Variants in TRIO observed in about 807,000 individuals in gnomAD.
TRIO encodes trio Rho guanine nucleotide exchange factor.
TRIO carries 58 observed loss-of-function variants against 351.9 expected under a neutral mutation model. That is an observed-to-expected ratio of 0.16 (90% CI 0.13 to 0.21). The LOEUF is 0.21. Ranked by LOEUF, TRIO falls within the 10% of genes least tolerant of loss-of-function variation. The probability of loss-of-function intolerance (pLI) is 1.00; values close to 1 mark genes in which losing one functional copy is unlikely to be tolerated. For missense variants in TRIO, 3,201 were observed against 4,027.8 expected (o/e 0.79, Z 5.56); for synonymous variants, 1,758 against 1,595.7 (o/e 1.10, Z -2.42).
At chr5:14,283,073 A>G (rs1736141424) in intron 3 of TRIO, among the ~76,000 whole-genome samples, 1 of 151,018 alleles carries the variant, frequency 6.6e-6, no homozygotes, top group African/African-American at 2.5e-5. Context: ...GGTTTTAACC[A>G]AACAAATTAT....
rs147908435 is a variant in TRIO, at chr5:14,388,971, G to C, written c.3948+292G>C. Among the ~76,000 whole-genome samples, 340 of 152,292 alleles carry C rather than the reference G, an allele frequency of 2.2e-3. 6 individuals carry two copies. Among genetic ancestry groups the C allele is most frequent in the Admixed American group, 0.02 (306 of 15,298 alleles). On this transcript the variant is annotated intron_variant, in intron 24 of 56. Transcript: ENST00000344204. The stretch of plus-strand genomic sequence containing the variant: ...TATAGAATTGTACAGCAGCTTCAGA[G>C]AAATGTGCCTACTAATTATGACTGG...
chr5:14,477,724 C>T (rs1755191601), intron 41 of TRIO, among the ~76,000 whole-genome samples: 1 of 152,168 alleles, frequency 6.6e-6, no homozygotes. Flanking sequence ...CTTCGAGGCT[C>T]CTGCAGCCAT....
At chr5:14,264,996 T>C (rs1050008340) in intron 1 of TRIO, among the ~76,000 whole-genome samples, 1 of 152,218 alleles carries the variant, frequency 6.6e-6, no homozygotes, top group Non-Finnish European at 1.5e-5. Flanking sequence ...TATTTAACCT[T>C]CTTTTTCTGG....
chr5:14,296,502 CGTT>C (rs1737374230), intron 6 of TRIO, among the ~76,000 whole-genome samples: 1 of 152,108 alleles, frequency 6.6e-6, no homozygotes, highest in African/African-American at 2.4e-5. Context: ...TTGAGCATAG[CGTT>C]GTTGTGTTTT....
At chr5:14,431,348 C>T (rs756834712) in intron 34 of TRIO, among the ~76,000 whole-genome samples, 3 of 152,172 alleles carry the variant, frequency 2.0e-5, no homozygotes, top group East Asian at 3.8e-4. Context: ...ATCATCTTCC[C>T]GAAACCTTTC....
chr5:14,291,788 TAAAA>T (rs57424190), intron 5 of TRIO, among the ~76,000 whole-genome samples: 6 of 100,958 alleles, frequency 5.9e-5, no homozygotes, highest in Middle Eastern at 5.6e-3. Flanking sequence ...GACTCCGTCT[TAAAA>T]AAAAAAAAAA....
At chr5:14,371,137 C>T (rs998562994) in intron 18 of TRIO, among the ~76,000 whole-genome samples, 4 of 152,190 alleles carry the variant, frequency 2.6e-5, no homozygotes, top group Non-Finnish European at 5.9e-5. Flanking sequence ...GCCAGGGTAA[C>T]TGTAGGCTTA....
intron 1 of TRIO, among the ~76,000 whole-genome samples, chr5:14,201,561 C>G (rs1791111647): frequency 6.6e-6 from 1 of 152,084 alleles, no homozygotes; most frequent in African/African-American, 2.4e-5. Context: ...TGTAGTTATT[C>G]TGATAACAGA....
Position 14,297,130 on chromosome 5 carries a change from G to T in TRIO, c.1235G>T (p.Gly412Val). The T allele has an allele frequency of 6.2e-7, 1 of 1,614,144 alleles. No individual in the cohort carries two copies. Among genetic ancestry groups the T allele is most frequent in the Non-Finnish European group, 8.5e-7 (1 of 1,180,024 alleles). Residue 412 changes from glycine to valine, a missense_variant, in exon 7 of 57, where the codon GGC (glycine) becomes GTC (valine). Transcript: ENST00000344204. ...MSVANRLVESGHYASQQIRQI... is the reference protein window; with the variant it reads ...MSVANRLVESVHYASQQIRQI... ...GTGGCCAATCGTCTGGTGGAGTCTG[G>T]CCACTATGCCTCGCAGCAGATCAGG...
chr5:14,496,114 TA>T (rs1481798432), intron 49 of TRIO, among the ~76,000 whole-genome samples: 6 of 152,144 alleles, frequency 3.9e-5, no homozygotes, highest in African/African-American at 1.4e-4. Context: ...TTTTAGCAAA[TA>T]AACTGTTTTT....
intron 1 of TRIO, among the ~76,000 whole-genome samples, chr5:14,183,010 T>A (rs936858965): frequency 1.2e-4 from 19 of 152,146 alleles, no homozygotes; most frequent in African/African-American, 4.3e-4. Context: ...CCCATCCTTT[T>A]CCGCAGGCCT....
chr5:14,416,046 C>T (rs995428820), intron 33 of TRIO, among the ~76,000 whole-genome samples: 2 of 151,146 alleles, frequency 1.3e-5, no homozygotes, highest in African/African-American at 2.4e-5. Flanking sequence ...ATAGAAGCAA[C>T]GAAGATACTG....
intron 13 of TRIO, 96 bp downstream of exon 13, chr5:14,359,627 G>A (rs888375925): frequency 4.2e-6 from 6 of 1,419,360 alleles, no homozygotes; most frequent in Non-Finnish European, 5.8e-6. Context: ...CTGAGGTCCT[G>A]TGTCCTCACC....
intron 1 of TRIO, among the ~76,000 whole-genome samples, chr5:14,257,581 C>G (rs1213712921): frequency 6.6e-6 from 1 of 152,100 alleles, no homozygotes; most frequent in Non-Finnish European, 1.5e-5. Context: ...GGAAGGGGGA[C>G]AGACGGGGCG....
intron 11 of TRIO, among the ~76,000 whole-genome samples, chr5:14,343,089 CAAAAAA>C (rs34378604): frequency 7.4e-6 from 1 of 135,550 alleles, no homozygotes. Context: ...CAGAAAGTTG[CAAAAAA>C]AAAAAAAAAA....
At chr5:14,298,639 A>G (rs538320951) in intron 7 of TRIO, among the ~76,000 whole-genome samples, 1 of 152,226 alleles carries the variant, frequency 6.6e-6, no homozygotes, top group Non-Finnish European at 1.5e-5. Flanking sequence ...AGAATGTTGC[A>G]CAAGACACTA....
Position 14,207,269 on chromosome 5 carries a change from A to ACACACACACACACT in TRIO, c.157+63400_157+63401insTCACACACACACAC, listed in dbSNP as rs1416771806. Among the ~76,000 whole-genome samples the ACACACACACACACT allele has an allele frequency of 2.3e-4, 16 of 70,762 alleles. 1 individual carries two copies. Among genetic ancestry groups the ACACACACACACACT allele is most frequent in the African/African-American group, 8.6e-4 (16 of 18,580 alleles). The allele number at this position is 70,762 out of a possible 152,430, so 46.4% of individuals were successfully genotyped here. On this transcript the variant is annotated intron_variant, in intron 1 of 56. Coordinates refer to ENST00000344204, the MANE Select transcript of TRIO (RefSeq NM_007118.4). ...ACATAGCAAGATGGTCTCTACACAC[A>ACACACACACACACT]CACACACACACACACACACACAGCC... is the stretch of plus-strand genomic sequence containing the variant.
chr5:14,341,283 CTT>C (rs1397466085), intron 11 of TRIO, among the ~76,000 whole-genome samples: 1 of 152,228 alleles, frequency 6.6e-6, no homozygotes, highest in African/African-American at 2.4e-5. Context: ...TTCATTCACT[CTT>C]TTCACTCATT....
intron 37 of TRIO, among the ~76,000 whole-genome samples, chr5:14,466,832 C>A (rs1754294865): frequency 6.6e-6 from 1 of 152,190 alleles, no homozygotes; most frequent in Non-Finnish European, 1.5e-5. Flanking sequence ...TCTTAAGGAT[C>A]TTCTCACGTC....
Sources: allele counts gnomAD v4.1 joint callset (sites outside exome capture counted in the v4.1 genomes callset), GRCh38; gene constraint gnomAD v4.1.1; transcripts MANE v1.5; gene names NCBI Gene and HGNC (gene_info 2026-07-23, HGNC 2026-07-21).